ABCC1: variants seen among roughly 807,000 people sequenced by gnomAD.
The protein encoded by ABCC1 is ATP binding cassette subfamily C member 1 (ABCC1 blood group).
Under a neutral mutation model 172.9 loss-of-function variants are expected in ABCC1, and 83 were observed. The ratio of observed to expected loss-of-function variants is 0.48; its 90% CI spans 0.40 to 0.58. The LOEUF is 0.58. ABCC1 is among the 20% of genes least tolerant of loss of function. ABCC1 has a pLI of 0.00. For missense variants in ABCC1, 1,817 were observed against 2,002.7 expected (o/e 0.91, Z 1.77); for synonymous variants, 937 against 825.2 (o/e 1.14, Z -2.32).
At position 16,040,122 on chromosome 16, in the gene ABCC1, G is replaced by T. The variant is rs1049065419; in HGVS notation, c.809+3519G>T. Among the ~76,000 whole-genome samples, 15 of 151,360 alleles carry T rather than the reference G, an allele frequency of 9.9e-5. No individual in the cohort carries two copies. In the South Asian group the frequency reaches 2.1e-3, roughly 21 times the overall value. On this transcript the variant is annotated intron_variant, in intron 7 of 30. Coordinates refer to ENST00000399410, the MANE Select transcript of ABCC1 (RefSeq NM_004996.4). ...TGTATGTATGTATTTTAGAGACAGG[G>T]TCTTGCTCTGTTGCTCAGGCTGGAT...
At chr16:16,114,305 T>C (rs557184704) in intron 22 of ABCC1, among the ~76,000 whole-genome samples, 66 of 152,262 alleles carry the variant, frequency 4.3e-4, no homozygotes, top group African/African-American at 1.5e-3. Flanking sequence ...AAGTACCCTC[T>C]GAATAATAGC....
At position 16,036,493 on chromosome 16, in the gene ABCC1, C is replaced by T; in HGVS notation, c.699C>T (p.Arg233=). ...CCAGGTTGATTGTCCGGGGCTACCGCCAGCCCCTGGAGGGCAGTGACCTCT... is the reference window on the plus strand; with the variant it reads ...CCAGGTTGATTGTCCGGGGCTACCGTCAGCCCCTGGAGGGCAGTGACCTCT... ...WITGLIVRGY[R]QPLEGSDLWS... The change falls in exon 7 of 31, where the codon CGC becomes CGT. Residue 233 remains arginine (R), a synonymous_variant. Transcript: ENST00000399410. The T allele has an allele frequency of 6.2e-7, 1 of 1,613,818 alleles. No homozygotes were observed. Among genetic ancestry groups the T allele is most frequent in the Admixed American group, 1.7e-5 (1 of 59,972 alleles).
At chr16:16,128,815 G>A (rs986190772) in intron 26 of ABCC1, among the ~76,000 whole-genome samples, 3 of 152,036 alleles carry the variant, frequency 2.0e-5, no homozygotes, top group Non-Finnish European at 2.9e-5. Context: ...CCTGGCCAAC[G>A]GTGAATCCCG....
intron 27 of ABCC1, 129 bp downstream of exon 27, chr16:16,132,064 G>A (rs1234299802): frequency 3.3e-6 from 4 of 1,213,250 alleles, no homozygotes; most frequent in Non-Finnish European, 4.6e-6. Context: ...ATGGCTTTTT[G>A]GGGGGCTGGG....
At chr16:15,982,645 CA>C (rs35126918) in intron 1 of ABCC1, among the ~76,000 whole-genome samples, 85,419 of 129,790 alleles carry the variant, frequency 0.66, 27,601 homozygotes, top group South Asian at 0.72. Flanking sequence ...CTGTCTCTAC[CA>C]AAAAAAAAAA....
chr16:16,118,444 TC>T (rs59904717), intron 23 of ABCC1, among the ~76,000 whole-genome samples: 2,379 of 132,608 alleles, frequency 0.018, 91 homozygotes, highest in Middle Eastern at 0.036. Flanking sequence ...TTTTTTTTTT[TC>T]CCCTGCATTT....
chr16:16,010,658 G>A (rs1333475847), intron 3 of ABCC1, among the ~76,000 whole-genome samples: 2 of 152,194 alleles, frequency 1.3e-5, no homozygotes, highest in Admixed American at 6.5e-5. Flanking sequence ...TGTGTATTGA[G>A]CACTTACTAT....
intron 1 of ABCC1, among the ~76,000 whole-genome samples, chr16:15,990,816 A>ATTTTT (rs57111358): frequency 1.0e-4 from 12 of 118,208 alleles, no homozygotes; most frequent in African/African-American, 3.2e-4. Flanking sequence ...CGCCCGGCTA[A>ATTTTT]TTTTTTTTTT....
intron 22 of ABCC1, 73 bp downstream of exon 22, chr16:16,111,655 C>A: frequency 2.2e-6 from 3 of 1,378,382 alleles, no homozygotes; most frequent in South Asian, 2.6e-5. Context: ...AGAAATGGAT[C>A]CTTAGAGTCC....
At chr16:16,113,832 T>G (rs1215559412) in intron 22 of ABCC1, among the ~76,000 whole-genome samples, 2 of 152,168 alleles carry the variant, frequency 1.3e-5, no homozygotes, top group Admixed American at 6.5e-5. Context: ...GGGATGAAAC[T>G]GTTCCACCTT....
chr16:15,992,286 A>G (rs1044407150), intron 1 of ABCC1, among the ~76,000 whole-genome samples: 14 of 152,098 alleles, frequency 9.2e-5, no homozygotes, highest in Admixed American at 6.5e-4. Flanking sequence ...ATATATGACA[A>G]TGTAATCATA....
chr16:16,137,949 G>A (rs949233063), intron 29 of ABCC1, among the ~76,000 whole-genome samples: 1 of 151,728 alleles, frequency 6.6e-6, no homozygotes, highest in Non-Finnish European at 1.5e-5. Flanking sequence ...CTAACTCCTG[G>A]ACTCAAGCAA....
intron 27 of ABCC1, 21 bp from the exon 28 acceptor site, chr16:16,134,329 C>A (rs773064976): frequency 1.2e-6 from 2 of 1,613,730 alleles, no homozygotes; most frequent in East Asian, 4.5e-5. Flanking sequence ...CCCACCACAC[C>A]TGGGCCCTTC....
At chr16:15,969,839 A>G (rs754157750) in intron 1 of ABCC1, among the ~76,000 whole-genome samples, 2 of 152,088 alleles carry the variant, frequency 1.3e-5, no homozygotes, top group Non-Finnish European at 2.9e-5. Context: ...GACTGGTCCC[A>G]TTCAGGTGAC....
Position 16,036,600 on chromosome 16 carries a change from G to A in ABCC1, c.806G>A (p.Arg269Lys), listed in dbSNP as rs1196911163. ...KNWKKECAKT[R>K]KQPVKVVYSS... is the part of the protein sequence containing the mutation. ...TGGAAGAAGGAATGCGCCAAGACTA[G>A]GAAGTAAGTGTGAGTTTCCTTGTCC... The change falls in exon 7 of 31, where the codon AGG becomes AAG. Residue 269 changes from arginine (R) to lysine (K), a missense_variant. By Grantham distance (26) the Arg-to-Lys change is conservative. Coordinates refer to ENST00000399410, the MANE Select transcript of ABCC1 (RefSeq NM_004996.4). 1.2e-6 allele frequency: 2 copies of A among 1,613,732 alleles called. No homozygotes were observed. Among genetic ancestry groups the A allele is most frequent in the Non-Finnish European group, 1.7e-6 (2 of 1,179,758 alleles).
At chr16:15,995,046 G>T (rs1275729408) in intron 1 of ABCC1, among the ~76,000 whole-genome samples, 1 of 151,394 alleles carries the variant, frequency 6.6e-6, no homozygotes, top group Non-Finnish European at 1.5e-5. Context: ...CAGGAGAATT[G>T]CTTGAACTCG....
chr16:16,004,657 CTTT>C (rs66530759), intron 1 of ABCC1, among the ~76,000 whole-genome samples: 10 of 112,154 alleles, frequency 8.9e-5, no homozygotes, highest in Admixed American at 1.0e-4. Context: ...GTAAGGTTTA[CTTT>C]TTTTTTTTTT....
intron 7 of ABCC1, among the ~76,000 whole-genome samples, chr16:16,039,723 A>T (rs557285828): frequency 1.3e-5 from 2 of 152,084 alleles, no homozygotes; most frequent in African/African-American, 2.4e-5. Flanking sequence ...TTTTTGTTCA[A>T]CATGCCCAGC....
chr16:15,963,819 C>T (rs1418485210), intron 1 of ABCC1, among the ~76,000 whole-genome samples: 1 of 152,200 alleles, frequency 6.6e-6, no homozygotes, highest in African/African-American at 2.4e-5. Flanking sequence ...GTGATATGCC[C>T]TGGAGACATT....
Sources: allele counts gnomAD v4.1 joint callset (sites outside exome capture counted in the v4.1 genomes callset), GRCh38; gene constraint gnomAD v4.1.1; transcripts MANE v1.5; gene names NCBI Gene and HGNC (gene_info 2026-07-23, HGNC 2026-07-21).